The following BICD1 variants were observed in gnomAD, a reference collection of about 807,000 sequenced individuals.
BICD1 encodes the protein protein bicaudal D homolog 1.
A neutral mutation model predicts 92.5 loss-of-function variants in BICD1; 35 were observed. The ratio of observed to expected loss-of-function variants is 0.38; its 90% CI spans 0.29 to 0.50. BICD1 has a LOEUF of 0.50. BICD1 is among the 20% of genes least tolerant of loss of function. BICD1 has a pLI of 0.93. For synonymous variants in BICD1, 429 were observed against 465.1 expected (o/e 0.92, Z 1.00); for missense variants, 950 against 1,189.8 (o/e 0.80, Z 2.97).
intron 4 of BICD1, among the ~76,000 whole-genome samples, chr12:32,326,179 A>G (rs1019426487): frequency 2.0e-4 from 30 of 151,928 alleles, no homozygotes; most frequent in African/African-American, 6.0e-4. Flanking sequence ...AGATCTCATG[A>G]TGGTTTATTT....
intron 1 of BICD1, among the ~76,000 whole-genome samples, chr12:32,132,151 C>T (rs1942566891): frequency 6.6e-6 from 1 of 151,996 alleles, no homozygotes; most frequent in Non-Finnish European, 1.5e-5. Flanking sequence ...GGCACTGTGG[C>T]TCACACCTGT....
chr12:32,296,246 G>GTTTTT (rs373702037), intron 3 of BICD1, among the ~76,000 whole-genome samples: 8 of 108,668 alleles, frequency 7.4e-5, no homozygotes, highest in African/African-American at 1.7e-4. Context: ...ATAAGAAGGG[G>GTTTTT]TTTTTTTTTG....
intron 9 of BICD1, among the ~76,000 whole-genome samples, chr12:32,370,743 C>T (rs912863446): frequency 1.3e-5 from 2 of 152,250 alleles, no homozygotes; most frequent in East Asian, 1.9e-4. Context: ...CAGCGAGGCA[C>T]GCTCCTGGCT....
Position 32,382,133 on chromosome 12 carries a change from C to G in BICD1, c.*4506C>G, listed in dbSNP as rs902408609. ...AATTAAGTTCATCTTTATTTATATG[C>G]GAACTTAACTGCCATAGTCCCTAAT... On this transcript the variant is annotated 3_prime_UTR_variant, in exon 10 of 10. Coordinates refer to ENST00000652176, the MANE Select transcript of BICD1 (RefSeq NM_001714.4). 1 of 152,028 alleles carries G rather than the reference C, an allele frequency of 6.6e-6. No homozygotes were observed. 9.4% of individuals were successfully genotyped at this position (152,028 alleles called of 1,614,324 possible).
chr12:32,262,982 G>GA (rs146075404), intron 2 of BICD1, among the ~76,000 whole-genome samples: 11,503 of 145,776 alleles, frequency 0.079, 502 homozygotes, highest in African/African-American at 0.12. Context: ...CGTCTCTATT[G>GA]AAAAAAAAAA....
chr12:32,136,756 AT>A (rs5797457), intron 1 of BICD1, among the ~76,000 whole-genome samples: 1,775 of 152,290 alleles, frequency 0.012, 12 homozygotes, highest in Middle Eastern at 0.017. Flanking sequence ...ACATGAATTA[AT>A]GAGTGAGTTT....
intron 1 of BICD1, among the ~76,000 whole-genome samples, chr12:32,146,982 C>G (rs1379490256): frequency 1.3e-5 from 2 of 151,594 alleles, no homozygotes; most frequent in Non-Finnish European, 2.9e-5. Context: ...CTCTGTCACC[C>G]AGGCTGGAAT....
At chr12:32,175,569 G>A (rs147933847) in intron 1 of BICD1, among the ~76,000 whole-genome samples, 4 of 152,166 alleles carry the variant, frequency 2.6e-5, no homozygotes, top group African/African-American at 4.8e-5. Context: ...CACCCACCTC[G>A]GCCTCCCCAA....
In BICD1 at chr12:32,339,822, T is replaced by C. The variant is rs1243162044; in HGVS notation, c.2764+843T>C. On this transcript the variant is annotated intron_variant, in intron 8 of 9. Coordinates refer to ENST00000652176, the MANE Select transcript of BICD1 (RefSeq NM_001714.4). ...AAAAAATAAAACTATTTAAGTTAGT[T>C]ATTGACAGTTAAAAATTCAAGAGAT... is the stretch of plus-strand genomic sequence containing the variant. The C allele has an allele frequency of 4.1e-6, 4 of 981,380 alleles. No homozygotes were observed. The African/African-American group carries it at 7.0e-5, about 17-fold the overall frequency. 60.8% of individuals were successfully genotyped at this position (981,380 alleles called of 1,614,324 possible). A position where few individuals can be genotyped will look rare whatever the true frequency, so the allele number is the denominator to read the frequency against.
At chr12:32,316,564 G>C (rs1279069887) in intron 4 of BICD1, among the ~76,000 whole-genome samples, 1 of 152,002 alleles carries the variant, frequency 6.6e-6, no homozygotes, top group Non-Finnish European at 1.5e-5. Flanking sequence ...GCCTCCCAAA[G>C]TGCTGGAATT....
intron 2 of BICD1, among the ~76,000 whole-genome samples, chr12:32,281,123 G>A (rs1947401321): frequency 6.6e-6 from 1 of 152,044 alleles, no homozygotes. Flanking sequence ...ACACCCTATG[G>A]GAAATGGTGT....
chr12:32,271,834 G>A (rs1947148815), intron 2 of BICD1, among the ~76,000 whole-genome samples: 2 of 152,026 alleles, frequency 1.3e-5, no homozygotes, highest in Admixed American at 1.3e-4. Context: ...ATATTTTATT[G>A]TTTCCTTTCC....
intron 2 of BICD1, among the ~76,000 whole-genome samples, chr12:32,261,798 G>T (rs16919557): frequency 0.11 from 17,119 of 152,138 alleles, 1,433 homozygotes; most frequent in African/African-American, 0.23. Flanking sequence ...ACAGTAGTGA[G>T]GCCCCCTTGT....
intron 2 of BICD1, among the ~76,000 whole-genome samples, chr12:32,218,142 G>C (rs1056883883): frequency 1.3e-5 from 2 of 151,826 alleles, no homozygotes; most frequent in Non-Finnish European, 2.9e-5. Context: ...AGTCAACGTG[G>C]TGATGATTAA....
intron 1 of BICD1, 83 bp downstream of exon 1, chr12:32,107,627 A>G: frequency 7.1e-7 from 1 of 1,414,754 alleles, no homozygotes. Flanking sequence ...AGAAGTCATA[A>G]AGGAGGTGAT....
chr12:32,274,515 G>T (rs1191308256), intron 2 of BICD1, among the ~76,000 whole-genome samples: 1 of 152,146 alleles, frequency 6.6e-6, no homozygotes, highest in Non-Finnish European at 1.5e-5. Flanking sequence ...CAGTTCTGAA[G>T]AATTTGTAGG....
chr12:32,127,858 T>C (rs1031242754), intron 1 of BICD1, among the ~76,000 whole-genome samples: 1 of 152,128 alleles, frequency 6.6e-6, no homozygotes, highest in Non-Finnish European at 1.5e-5. Context: ...GGGAACTCAA[T>C]TGTCTAATTA....
At chr12:32,146,645 T>A (rs1301086491) in intron 1 of BICD1, among the ~76,000 whole-genome samples, 1 of 151,932 alleles carries the variant, frequency 6.6e-6, no homozygotes, top group East Asian at 1.9e-4. Context: ...ACCTAGGGAG[T>A]GCCAGGCCTC....
intron 2 of BICD1, among the ~76,000 whole-genome samples, chr12:32,269,651 G>A (rs1330915943): frequency 6.6e-6 from 1 of 152,166 alleles, no homozygotes; most frequent in Non-Finnish European, 1.5e-5. Flanking sequence ...AGTTCTCTGG[G>A]TTATAACTTG....
Sources: allele counts gnomAD v4.1 joint callset (sites outside exome capture counted in the v4.1 genomes callset), GRCh38; gene constraint gnomAD v4.1.1; transcripts MANE v1.5; gene names NCBI Gene and HGNC (gene_info 2026-07-23, HGNC 2026-07-21).